CDC16: variants seen among roughly 807,000 people sequenced by gnomAD.
CDC16 encodes the protein cell division cycle 16.
Under a neutral mutation model 87.0 loss-of-function variants are expected in CDC16, and 34 were observed. The observed-to-expected ratio is 0.39, with a 90% CI of 0.30 to 0.52. CDC16 has a LOEUF of 0.52. Ranked by LOEUF, CDC16 falls within the 20% of genes least tolerant of loss-of-function variation. CDC16 has a pLI of 0.74. For synonymous variants in CDC16, 263 were observed against 260.6 expected (o/e 1.01, Z -0.09); for missense variants, 653 against 751.9 (o/e 0.87, Z 1.54).
chr13:114,260,708 G>A (rs555561423), intron 14 of CDC16, among the ~76,000 whole-genome samples: 1 of 152,292 alleles, frequency 6.6e-6, no homozygotes, highest in Admixed American at 6.5e-5. Flanking sequence ...TATACGAAGA[G>A]GGGGAAAATA....
At position 114,246,025 on chromosome 13, in the gene CDC16, G is replaced by T. The variant is rs1219054772; in HGVS notation, c.873G>T (p.Leu291=). Residue 291 remains leucine (L), a synonymous_variant, in exon 10 of 18, where the codon CTG becomes CTT. Transcript: ENST00000356221. ...ANELFYLSHK[L]VDLYPSNPVS... ...AACTTTTCTATCTTTCTCATAAACTGGTGGATTTATATCCTAGTAATCCTG... is the reference window on the plus strand; with the variant it reads ...AACTTTTCTATCTTTCTCATAAACTTGTGGATTTATATCCTAGTAATCCTG... 1.3e-6 allele frequency: 2 copies of T among 1,500,694 alleles called. No homozygotes were observed. Among genetic ancestry groups the T allele is most frequent in the Non-Finnish European group, 1.8e-6 (2 of 1,093,808 alleles). 93.0% of individuals were successfully genotyped at this position (1,500,694 alleles called of 1,614,324 possible). A position where few individuals can be genotyped will look rare whatever the true frequency, so the allele number is the denominator to read the frequency against.
In CDC16 at chr13:114,246,043, TA is replaced by T; in HGVS notation, c.893del (p.Asn298IlefsTer41). ...SHKLVDLYPS[N>X]PVSWFAVGCY... is the part of the protein sequence containing the mutation. Reference sequence around the variant, plus strand: ...ATAAACTGGTGGATTTATATCCTAGTAATCCTGTAAGTAATATAACTTTTAG... The same window carrying T: ...ATAAACTGGTGGATTTATATCCTAGTATCCTGTAAGTAATATAACTTTTAG... On this transcript the variant is annotated frameshift_variant, in exon 10 of 18. Transcript: ENST00000356221. LOFTEE classifies it high-confidence loss of function. 7.0e-7 allele frequency: 1 copy of T among 1,438,064 alleles called. No individual in the cohort carries two copies. Among genetic ancestry groups the T allele is most frequent in the Non-Finnish European group, 9.6e-7 (1 of 1,042,580 alleles). 89.1% of individuals were successfully genotyped at this position (1,438,064 alleles called of 1,614,324 possible).
chr13:114,246,460 CGGAATGGAGAACTA>C (rs2081879804), intron 10 of CDC16, among the ~76,000 whole-genome samples: 1 of 152,094 alleles, frequency 6.6e-6, no homozygotes, highest in African/African-American at 2.4e-5. Flanking sequence ...TGTCATGGAT[CGGAATGGAGAACTA>C]GGAATGGAAA....
At position 114,257,208 on chromosome 13, in the gene CDC16, G is replaced by C; in HGVS notation, c.1228G>C (p.Val410Leu). Residue 410 changes from valine to leucine, a missense_variant, in exon 13 of 18, where the codon GTG becomes CTG. Transcript: ENST00000356221. ...CCCTTTTGTTATGCATGAGGTCGGC[G>C]TGGTTGCATTTCAGAATGGAGAGTA... ...EDPFVMHEVGVVAFQNGEWKT... is the reference protein window; with the variant it reads ...EDPFVMHEVGLVAFQNGEWKT... 6.2e-7 allele frequency: 1 copy of C among 1,610,738 alleles called. No individual in the cohort carries two copies. The highest frequency in any genetic ancestry group is 8.5e-7 in the Non-Finnish European group (1 of 1,177,524).
intron 17 of CDC16, among the ~76,000 whole-genome samples, chr13:114,271,651 A>ATT (rs879291610): frequency 0.026 from 3,676 of 143,786 alleles, 155 homozygotes; most frequent in African/African-American, 0.089. Context: ...ATTTTTTTGT[A>ATT]TTTTTTTTTT....
At chr13:114,266,382 T>C (rs17338333) in intron 17 of CDC16, among the ~76,000 whole-genome samples, 3,725 of 152,240 alleles carry the variant, frequency 0.024, 158 homozygotes, top group African/African-American at 0.085. Flanking sequence ...GGAACTAATC[T>C]AGCCAACTGA....
In CDC16 at chr13:114,236,546, T is replaced by C. The variant is rs1230762159; in HGVS notation, c.49-99T>C. ...GATGAAGATTTATTACATAGAATTA[T>C]ATTAATATATTACATAGAATTATAA... On this transcript the variant is annotated intron_variant, in intron 1 of 17. Transcript: ENST00000356221. The C allele has an allele frequency of 6.3e-6, 6 of 957,546 alleles. No homozygotes were observed. The Admixed American group carries it at 1.5e-4, about 24-fold the overall frequency. 59.3% of individuals were successfully genotyped at this position (957,546 alleles called of 1,614,324 possible).
chr13:114,235,648 T>C (rs956990586), intron 1 of CDC16, among the ~76,000 whole-genome samples: 5 of 152,220 alleles, frequency 3.3e-5, no homozygotes, highest in Admixed American at 2.0e-4. Flanking sequence ...GCAAGAAGTG[T>C]CTTCGAGAAT....
chr13:114,258,561 T>C (rs2082647613), intron 13 of CDC16, among the ~76,000 whole-genome samples: 2 of 152,236 alleles, frequency 1.3e-5, no homozygotes, highest in Admixed American at 1.3e-4. Flanking sequence ...AACACATGTA[T>C]TAGAGAAGCT....
At position 114,272,356 on chromosome 13, in the gene CDC16, C is replaced by T. The variant is rs1359808799; in HGVS notation, c.1776C>T (p.Ser592=). ...AAACCTCAAGGAAAACTCCAGATTC[C>T]AGACCTTCCTTGGAAGAAACCTTTG... ...PLETSRKTPD[S]RPSLEETFEI... Residue 592 remains serine (S), a synonymous_variant, in exon 18 of 18, where the codon TCC becomes TCT. Transcript: ENST00000356221. The T allele has an allele frequency of 2.5e-6, 4 of 1,613,966 alleles. No individual in the cohort carries two copies. Among genetic ancestry groups the T allele is most frequent in the African/African-American group, 2.7e-5 (2 of 74,940 alleles).
At chr13:114,260,469 A>T (rs982371261) in intron 14 of CDC16, among the ~76,000 whole-genome samples, 1 of 152,230 alleles carries the variant, frequency 6.6e-6, no homozygotes, top group Admixed American at 6.5e-5. Flanking sequence ...AGCCTGCTAG[A>T]AGTGCAGAAT....
In CDC16 at chr13:114,262,893, C is replaced by G. The variant is rs2082940220; in HGVS notation, c.1391C>G (p.Ala464Gly). ...CTCTCCCACAGAAAGTATGCTGAGG[C>G]CTTGGATTACCACCGTCAGGCACTG... Reference protein sequence around the residue: ...VCRKLKKYAEALDYHRQALVL... With the variant: ...VCRKLKKYAEGLDYHRQALVL... Residue 464 changes from alanine to glycine, a missense_variant, in exon 16 of 18, where the codon GCC becomes GGC. Physicochemically the swap from Ala to Gly is moderately conservative, Grantham distance 60. Coordinates refer to ENST00000356221, the MANE Select transcript of CDC16 (RefSeq NM_001078645.3). 2 of 1,614,000 alleles carry G rather than the reference C, an allele frequency of 1.2e-6. No individual in the cohort carries two copies. The highest frequency in any genetic ancestry group is 1.7e-6 in the Non-Finnish European group (2 of 1,179,998).
At chr13:114,239,966 T>C (rs1391068560) in intron 5 of CDC16, among the ~76,000 whole-genome samples, 1 of 152,110 alleles carries the variant, frequency 6.6e-6, no homozygotes, top group Non-Finnish European at 1.5e-5. Context: ...GCAGACATCA[T>C]ATAGTAACTT....
intron 17 of CDC16, among the ~76,000 whole-genome samples, chr13:114,271,728 G>A (rs1003535567): frequency 9.2e-5 from 14 of 151,932 alleles, no homozygotes; most frequent in Middle Eastern, 3.4e-3. Context: ...TGATCTGCCC[G>A]CCTCGGCCTC....
At chr13:114,254,775 C>T (rs1320294851) in intron 12 of CDC16, among the ~76,000 whole-genome samples, 4 of 152,168 alleles carry the variant, frequency 2.6e-5, no homozygotes, top group Non-Finnish European at 5.9e-5. Flanking sequence ...AGGCCAGGGC[C>T]GTCTAAATTT....
chr13:114,262,000 T>C, intron 15 of CDC16, 52 bp downstream of exon 15: 1 of 1,132,162 alleles, frequency 8.8e-7, no homozygotes, highest in South Asian at 1.4e-5. Flanking sequence ...CAAAGTTTAC[T>C]TAATTTTGAA....
chr13:114,255,303 C>G (rs1226736682), intron 12 of CDC16, among the ~76,000 whole-genome samples: 3 of 152,164 alleles, frequency 2.0e-5, no homozygotes, highest in Non-Finnish European at 4.4e-5. Context: ...TTACCATTTT[C>G]AGTTCTCTTT....
intron 11 of CDC16, among the ~76,000 whole-genome samples, chr13:114,249,921 A>G (rs1354454225): frequency 6.6e-6 from 1 of 152,144 alleles, no homozygotes; most frequent in Non-Finnish European, 1.5e-5. Flanking sequence ...TTTTAGTTCA[A>G]ATGAATCAAC....
At chr13:114,235,968 C>A (rs1421295817) in intron 1 of CDC16, among the ~76,000 whole-genome samples, 1 of 152,208 alleles carries the variant, frequency 6.6e-6, no homozygotes, top group African/African-American at 2.4e-5. Flanking sequence ...CGTTGGCATT[C>A]CTCCTGCCTC....
Sources: gnomAD v4.1 joint callset for allele counts (sites outside exome capture counted in the v4.1 genomes callset) on GRCh38, gnomAD v4.1.1 for gene constraint, MANE v1.5 for transcripts, NCBI Gene and HGNC (gene_info 2026-07-23, HGNC 2026-07-21) for gene names.